The following FRMPD4 variants were observed in gnomAD, a reference collection of about 807,000 sequenced individuals.
The protein encoded by FRMPD4 is FERM and PDZ domain containing 4, also known as FERM and PDZ domain-containing protein 4.
Under a neutral mutation model 94.1 loss-of-function variants are expected in FRMPD4, and 22 were observed. That is an observed-to-expected ratio of 0.23 (90% confidence interval 0.17 to 0.33). The LOEUF (loss-of-function observed/expected upper bound fraction) is 0.33. Among genes scored for constraint, FRMPD4 ranks in the 10% least tolerant of loss-of-function variants. The pLI is 1.00. For synonymous variants in FRMPD4, 631 were observed against 548.6 expected, an observed-to-expected ratio of 1.15 and a Z score of -2.10; for missense variants, 1,111 against 1,339.9, an observed-to-expected ratio of 0.83 and a Z score of 2.67.
intron 3 of FRMPD4, among the ~76,000 whole-genome samples, chrX:12,130,950 C>T (rs1340293446): frequency 8.9e-6 from 1 of 112,207 alleles, no homozygotes; most frequent in African/African-American, 3.2e-5. Flanking sequence ...GGGTATGTCA[C>T]ATTAAGAATT....
rs749269384 is a variant in FRMPD4, at chrX:12,560,742, C to CTT, written c.159-48935_159-48934dup. On this transcript the variant is annotated intron_variant, in intron 2 of 16. Transcript: ENST00000675598. ...CCCTAGTGTATGCACCTCCCCTCATCTTTTTTTTTTTTTTTTTTTTTTTTT... is the reference window on the plus strand; with the variant it reads ...CCCTAGTGTATGCACCTCCCCTCATCTTTTTTTTTTTTTTTTTTTTTTTTTTT... Among the ~76,000 whole-genome samples the CTT allele has an allele frequency of 1.9e-3, 84 of 43,441 alleles. 6 individuals are homozygous for CTT. Among genetic ancestry groups the CTT allele is most frequent in the East Asian group, 7.6e-3 (7 of 918 alleles). The allele number at this position is 43,441 out of a possible 115,157, so 37.7% of individuals were successfully genotyped here.
intron 1 of FRMPD4, among the ~76,000 whole-genome samples, chrX:12,316,712 T>C (rs1171801963): frequency 9.0e-6 from 1 of 111,279 alleles, no homozygotes; most frequent in Non-Finnish European, 1.9e-5. Context: ...GTGCTTTCTT[T>C]TAGCATTACA....
intron 1 of FRMPD4, among the ~76,000 whole-genome samples, chrX:12,212,318 A>AT (rs369676955): frequency 1.0e-3 from 111 of 106,367 alleles, no homozygotes; most frequent in South Asian, 4.8e-3. Context: ...AAATCATTCG[A>AT]TTTTTTTTTT....
Position 12,606,598 on chromosome X carries a change from T to G in FRMPD4, c.159-3123T>G, listed in dbSNP as rs763587216. Among the ~76,000 whole-genome samples the G allele has an allele frequency of 3.6e-5, 4 of 111,375 alleles. No individual in the cohort carries two copies. In the South Asian group the frequency reaches 1.5e-3, roughly 43 times the overall value. ...CCTCTCTATGCTTGGAACCGAGAGT[T>G]GCACCAACCTCGGTTCTAAAACACG... On this transcript the variant is annotated intron_variant, in intron 2 of 16. Transcript: ENST00000675598.
chrX:12,594,108 G>T lies in FRMPD4; in HGVS notation c.159-15613G>T, dbSNP rs1391666179. Among the ~76,000 whole-genome samples the T allele has an allele frequency of 2.7e-5, 3 of 110,141 alleles. No homozygotes were observed. The East Asian group carries it at 8.5e-4, about 31-fold the overall frequency. On this transcript the variant is annotated intron_variant, in intron 2 of 16. Coordinates refer to ENST00000675598, the MANE Select transcript of FRMPD4 (RefSeq NM_001368397.1). Reference sequence around the variant, plus strand: ...TCTTTATTGTGTATATTATGTATTTGTCTGTTTCATATGTTGCAAATATTC... The same window carrying T: ...TCTTTATTGTGTATATTATGTATTTTTCTGTTTCATATGTTGCAAATATTC...
chrX:11,875,731 C>A (rs1202833554), intron 2 of FRMPD4, among the ~76,000 whole-genome samples: 1 of 110,728 alleles, frequency 9.0e-6, no homozygotes, highest in East Asian at 2.8e-4. Flanking sequence ...ACACTCAATA[C>A]CCTCTCCCAT....
intron 3 of FRMPD4, among the ~76,000 whole-genome samples, chrX:12,087,754 A>G (rs2055122908): frequency 8.9e-6 from 1 of 112,436 alleles, no homozygotes; most frequent in African/African-American, 3.2e-5. Flanking sequence ...TGTATAATAC[A>G]ATGTTCTGTA....
rs774207727 is a variant in FRMPD4, at chrX:12,713,005, G to A, written c.1609+2468G>A. ...AGGTGGGAGGATCATGCAAGCCCGG[G>A]AGGTCAAGGCTTTAGTGAGCCAAGC... On this transcript the variant is annotated intron_variant, in intron 14 of 16. Coordinates refer to ENST00000675598, the MANE Select transcript of FRMPD4 (RefSeq NM_001368397.1). Among the ~76,000 whole-genome samples, 4 of 110,151 alleles carry A rather than the reference G, an allele frequency of 3.6e-5. No individual in the cohort carries two copies. The South Asian group carries it at 1.6e-3, about 43-fold the overall frequency.
chrX:12,440,563 A>T (rs1051823484), intron 1 of FRMPD4, among the ~76,000 whole-genome samples: 1 of 111,493 alleles, frequency 9.0e-6, no homozygotes, highest in Non-Finnish European at 1.9e-5. Flanking sequence ...TGCATCTCTC[A>T]GTTAGTGATT....
intron 1 of FRMPD4, among the ~76,000 whole-genome samples, chrX:12,242,991 G>A (rs2053899069): frequency 1.8e-5 from 2 of 112,237 alleles, no homozygotes; most frequent in Admixed American, 1.9e-4. Flanking sequence ...CTCCTTCCTT[G>A]GCCTCCCAAA....
At chrX:12,249,845 C>G (rs2054008980) in intron 1 of FRMPD4, among the ~76,000 whole-genome samples, 1 of 110,556 alleles carries the variant, frequency 9.0e-6, no homozygotes, top group African/African-American at 3.3e-5. Flanking sequence ...TTTCTAGGAC[C>G]AAAAAAATCC....
chrX:12,611,701 A>G, intron 3 of FRMPD4, among the ~76,000 whole-genome samples: 2 of 112,565 alleles, frequency 1.8e-5, no homozygotes, highest in Middle Eastern at 9.2e-3. Flanking sequence ...TTTTGACATA[A>G]TATGCCCCAG....
At chrX:12,313,695 G>C (rs1569227929) in intron 1 of FRMPD4, among the ~76,000 whole-genome samples, 3 of 111,709 alleles carry the variant, frequency 2.7e-5, no homozygotes, top group Non-Finnish European at 5.7e-5. Flanking sequence ...TCTTTGTGAG[G>C]TTTTTTCCCC....
intron 1 of FRMPD4, among the ~76,000 whole-genome samples, chrX:12,186,884 G>A (rs937664015): frequency 3.6e-5 from 4 of 111,867 alleles, no homozygotes; most frequent in South Asian, 3.7e-4. Context: ...TCATCTTCTT[G>A]TATTTCCTAT....
intron 2 of FRMPD4, among the ~76,000 whole-genome samples, chrX:12,569,486 T>C (rs2058742033): frequency 1.8e-5 from 2 of 111,581 alleles, no homozygotes; most frequent in Non-Finnish European, 1.9e-5. Context: ...GGAATTATTT[T>C]ATTCACCTAT....
At chrX:12,557,344 C>G (rs1398186322) in intron 2 of FRMPD4, among the ~76,000 whole-genome samples, 2 of 111,546 alleles carry the variant, frequency 1.8e-5, no homozygotes, top group Non-Finnish European at 3.8e-5. Context: ...TCCTTTAGAC[C>G]TTTGAAAGTG....
intron 1 of FRMPD4, among the ~76,000 whole-genome samples, chrX:12,168,086 G>T (rs2056152879): frequency 1.8e-5 from 2 of 110,574 alleles, no homozygotes; most frequent in Admixed American, 1.9e-4. Flanking sequence ...GTGCGGGGCA[G>T]CCCCCACACA....
intron 3 of FRMPD4, among the ~76,000 whole-genome samples, chrX:11,913,415 G>A (rs189498235): frequency 1.2e-3 from 136 of 112,266 alleles, no homozygotes; most frequent in African/African-American, 4.1e-3. Context: ...CAAGGCTAAA[G>A]TCCCACCCTC....
intron 1 of FRMPD4, among the ~76,000 whole-genome samples, chrX:12,214,334 T>A (rs1402043897): frequency 8.9e-6 from 1 of 111,875 alleles, no homozygotes; most frequent in Non-Finnish European, 1.9e-5. Flanking sequence ...TAAAATTTTC[T>A]CACTTAGCTT....
Sources: gnomAD v4.1 joint callset for allele counts (sites outside exome capture counted in the v4.1 genomes callset) on GRCh38, gnomAD v4.1.1 for gene constraint, MANE v1.5 for transcripts, NCBI Gene and HGNC (gene_info 2026-07-23, HGNC 2026-07-21) for gene names.